Variants in PDZRN4 observed in about 807,000 individuals in gnomAD.
PDZRN4 encodes PDZ domain containing ring finger 4, also known as PDZ domain-containing RING finger protein 4.
A neutral mutation model predicts 99.0 loss-of-function variants in PDZRN4; 70 were observed. That is an observed-to-expected ratio of 0.71 (90% CI 0.58 to 0.86). The LOEUF is 0.86. Ranked by LOEUF, PDZRN4 falls within the 40% of genes least tolerant of loss-of-function variation. The probability of loss-of-function intolerance (pLI) is 0.00; values close to 1 mark genes in which losing one functional copy is unlikely to be tolerated. For synonymous variants in PDZRN4, 551 were observed against 501.6 expected, an observed-to-expected ratio of 1.10 and a Z score of -1.32; for missense variants, 1,474 against 1,331.2, an observed-to-expected ratio of 1.11 and a Z score of -1.67.
intron 3 of PDZRN4, among the ~76,000 whole-genome samples, chr12:41,210,312 A>T (rs538667231): frequency 6.6e-6 from 1 of 152,062 alleles, no homozygotes; most frequent in Admixed American, 6.6e-5. Flanking sequence ...GTTCACTCTG[A>T]TGGTAGTTTC....
intron 3 of PDZRN4, among the ~76,000 whole-genome samples, chr12:41,487,773 C>T (rs1001023222): frequency 1.4e-4 from 22 of 152,208 alleles, no homozygotes; most frequent in African/African-American, 4.6e-4. Flanking sequence ...TTGATCACCT[C>T]TTTCCACATC....
intron 3 of PDZRN4, among the ~76,000 whole-genome samples, chr12:41,437,510 A>T (rs1238615660): frequency 1.3e-5 from 2 of 152,230 alleles, no homozygotes; most frequent in East Asian, 3.9e-4. Flanking sequence ...TATTGACACA[A>T]GTGAATTTTG....
chr12:41,346,479 TAAAATA>T (rs1032094131), intron 3 of PDZRN4, among the ~76,000 whole-genome samples: 4 of 151,772 alleles, frequency 2.6e-5, no homozygotes, highest in Non-Finnish European at 4.4e-5. Context: ...AAAAATAAAA[TAAAATA>T]AAAATAAAAA....
chr12:41,370,244 T>G (rs1317768891), intron 3 of PDZRN4, among the ~76,000 whole-genome samples: 1 of 151,992 alleles, frequency 6.6e-6, no homozygotes, highest in African/African-American at 2.4e-5. Flanking sequence ...AATGACTAAA[T>G]ATCATCAATT....
chr12:41,192,586 T>C (rs1025604255), intron 2 of PDZRN4, among the ~76,000 whole-genome samples: 1 of 152,264 alleles, frequency 6.6e-6, no homozygotes, highest in Non-Finnish European at 1.5e-5. Flanking sequence ...ATTAGGCAAT[T>C]GTATTGCCTG....
chr12:41,216,574 C>T (rs1407588963), intron 3 of PDZRN4, among the ~76,000 whole-genome samples: 1 of 151,900 alleles, frequency 6.6e-6, no homozygotes, highest in African/African-American at 2.4e-5. Context: ...ATTTATAAAA[C>T]AGATAGTTCA....
chr12:41,407,904 C>T (rs947444853), intron 3 of PDZRN4, among the ~76,000 whole-genome samples: 1 of 140,680 alleles, frequency 7.1e-6, no homozygotes, highest in Non-Finnish European at 1.6e-5. Flanking sequence ...AATTAAACTG[C>T]TTATCATCGT....
chr12:41,228,804 A>G (rs1007219355), intron 3 of PDZRN4, among the ~76,000 whole-genome samples: 2 of 152,116 alleles, frequency 1.3e-5, no homozygotes, highest in Non-Finnish European at 1.5e-5. Context: ...TATGAAATTC[A>G]ATAGTATATA....
chr12:41,514,424 C>CA (rs1427624907), intron 5 of PDZRN4, among the ~76,000 whole-genome samples: 2 of 151,684 alleles, frequency 1.3e-5, no homozygotes, highest in African/African-American at 2.4e-5. Context: ...AATTTTCATT[C>CA]AAAAAATAAC....
chr12:41,414,296 G>T (rs754117136), intron 3 of PDZRN4, among the ~76,000 whole-genome samples: 140 of 151,996 alleles, frequency 9.2e-4, no homozygotes, highest in Non-Finnish European at 1.3e-3. Context: ...CCTTGGTGAT[G>T]CTCATTTTGT....
intron 3 of PDZRN4, among the ~76,000 whole-genome samples, chr12:41,379,387 TA>T (rs1457151899): frequency 6.7e-6 from 1 of 149,874 alleles, no homozygotes; most frequent in Non-Finnish European, 1.5e-5. Context: ...AATAATACTT[TA>T]TTTTTTTTTA....
At chr12:41,541,016 C>T (rs557004666) in intron 5 of PDZRN4, among the ~76,000 whole-genome samples, 7 of 152,178 alleles carry the variant, frequency 4.6e-5, no homozygotes, top group African/African-American at 1.2e-4. Context: ...GCTCCGCCTC[C>T]TGGGTTCACG....
chr12:41,422,005 C>T (rs1952494484), intron 3 of PDZRN4, among the ~76,000 whole-genome samples: 1 of 152,120 alleles, frequency 6.6e-6, no homozygotes, highest in South Asian at 2.1e-4. Flanking sequence ...AGAGTACCCA[C>T]ATGTGTCAGT....
At chr12:41,450,414 A>G (rs968975446) in intron 3 of PDZRN4, among the ~76,000 whole-genome samples, 4 of 152,324 alleles carry the variant, frequency 2.6e-5, no homozygotes, top group South Asian at 4.1e-4. Flanking sequence ...TTTAACCAAG[A>G]TTAATTTTCC....
At chr12:41,300,775 A>G (rs1768311042) in intron 3 of PDZRN4, among the ~76,000 whole-genome samples, 1 of 151,972 alleles carries the variant, frequency 6.6e-6, no homozygotes, top group South Asian at 2.1e-4. Context: ...TTACAATATA[A>G]CTTTGTGATT....
At chr12:41,378,826 C>T (rs536739507) in intron 3 of PDZRN4, among the ~76,000 whole-genome samples, 1 of 152,212 alleles carries the variant, frequency 6.6e-6, no homozygotes, top group East Asian at 1.9e-4. Context: ...CCCAGCCTCC[C>T]TCTTCAATTT....
At chr12:41,250,395 A>C (rs1951161474) in intron 3 of PDZRN4, among the ~76,000 whole-genome samples, 1 of 152,192 alleles carries the variant, frequency 6.6e-6, no homozygotes, top group Non-Finnish European at 1.5e-5. Flanking sequence ...TTTTAATATG[A>C]GGGAACTTCA....
intron 3 of PDZRN4, among the ~76,000 whole-genome samples, chr12:41,330,704 A>G (rs930340758): frequency 6.6e-6 from 1 of 152,226 alleles, no homozygotes; most frequent in African/African-American, 2.4e-5. Context: ...GTGAAGAAAT[A>G]CATTCAAAAT....
intron 3 of PDZRN4, among the ~76,000 whole-genome samples, chr12:41,386,036 C>T (rs565149726): frequency 1.3e-5 from 2 of 152,242 alleles, no homozygotes; most frequent in East Asian, 3.9e-4. Context: ...AATGTGATTC[C>T]TCACATAAAC....
Sources: gnomAD v4.1 joint callset for allele counts (sites outside exome capture counted in the v4.1 genomes callset) on GRCh38, gnomAD v4.1.1 for gene constraint, MANE v1.5 for transcripts, NCBI Gene and HGNC (gene_info 2026-07-23, HGNC 2026-07-21) for gene names.